Variants in PES1 observed in about 807,000 individuals in gnomAD.
The protein encoded by PES1 is pescadillo homolog.
PES1 carries 31 observed loss-of-function variants against 77.1 expected under a neutral mutation model. The ratio of observed to expected loss-of-function variants is 0.40; its 90% CI spans 0.30 to 0.54. The LOEUF (loss-of-function observed/expected upper bound fraction) is 0.54. Ranked by LOEUF, PES1 falls within the 20% of genes least tolerant of loss-of-function variation. The pLI, the probability that PES1 is intolerant of heterozygous loss-of-function variation, is 0.45. For synonymous variants in PES1, 282 were observed against 303.0 expected, an observed-to-expected ratio of 0.93 and a Z score of 0.72; for missense variants, 658 against 771.7, an observed-to-expected ratio of 0.85 and a Z score of 1.75.
At chr22:30,594,237 T>G (rs1171368392), upstream of PES1, among the ~76,000 whole-genome samples, 1 of 152,206 alleles carries the variant, frequency 6.6e-6, no homozygotes, top group Non-Finnish European at 1.5e-5. Flanking sequence ...AAACAAAAAT[T>G]TGCTGGGCAT....
At position 30,591,806 on chromosome 22, in the gene PES1, T is replaced by A. The variant is rs1180462578; in HGVS notation, c.24+4A>T. 6.4e-7 allele frequency: 1 copy of A among 1,560,782 alleles called. No individual in the cohort carries two copies. The highest frequency in any genetic ancestry group is 1.9e-5 in the Admixed American group (1 of 52,722). ...CGGGAATCCCCACCGTCTTTCCCAA[T>A]CACCTTCTTCTTCTCAAGGCCTCCC... On this transcript the variant is annotated splice_donor_region_variant and intron_variant, in intron 1 of 14. Coordinates refer to ENST00000354694, the MANE Select transcript of PES1 (RefSeq NM_014303.4).
At chr22:30,581,887 G>C (rs1394826208) in intron 6 of PES1, among the ~76,000 whole-genome samples, 1 of 152,136 alleles carries the variant, frequency 6.6e-6, no homozygotes, top group East Asian at 1.9e-4. Flanking sequence ...AGGGTTAGAC[G>C]CATCCTGGAA....
At chr22:30,600,203 A>G (rs77121106) in intron 2 of PES1, among the ~76,000 whole-genome samples, 12,233 of 150,572 alleles carry the variant, frequency 0.081, 559 homozygotes, top group South Asian at 0.12. Flanking sequence ...GTGTGGTGGC[A>G]CAAGCCTATA....
chr22:30,583,648 GCT>G (rs2087020503), intron 6 of PES1, among the ~76,000 whole-genome samples: 1 of 152,248 alleles, frequency 6.6e-6, no homozygotes, highest in Non-Finnish European at 1.5e-5. Context: ...AAAAGGCTGG[GCT>G]CTGTGGCTCA....
upstream of PES1, among the ~76,000 whole-genome samples, chr22:30,594,675 A>G (rs2087230165): frequency 6.6e-6 from 1 of 152,064 alleles, no homozygotes; most frequent in Admixed American, 6.6e-5. Flanking sequence ...CCTTAAAAAA[A>G]AAAAAAAAAC....
At chr22:30,577,863 T>C (rs2086926365) in intron 14 of PES1, among the ~76,000 whole-genome samples, 1 of 152,180 alleles carries the variant, frequency 6.6e-6, no homozygotes. Context: ...GCAGAATCAT[T>C]AAGAGGCGGG....
In PES1 at chr22:30,578,825, G is replaced by T. The variant is rs1011234781; in HGVS notation, c.1683+12C>A. 19 of 1,611,854 alleles carry T rather than the reference G, an allele frequency of 1.2e-5. No individual in the cohort carries two copies. The highest frequency in any genetic ancestry group is 1.5e-5 in the Non-Finnish European group (18 of 1,179,882). On this transcript the variant is annotated intron_variant, in intron 14 of 14. Coordinates refer to ENST00000354694, the MANE Select transcript of PES1 (RefSeq NM_014303.4). ...GCCACACCTGGATCTCAAGTGGGTGGCAAGAACTCACCTCTCGGATTTTTC... is the reference window on the plus strand; with the variant it reads ...GCCACACCTGGATCTCAAGTGGGTGTCAAGAACTCACCTCTCGGATTTTTC...
chr22:30,580,893 T>C (rs2086974296), intron 9 of PES1, 119 bp downstream of exon 9: 3 of 1,169,660 alleles, frequency 2.6e-6, no homozygotes, highest in Non-Finnish European at 2.5e-6. Flanking sequence ...CCCATTCTTC[T>C]GCTCAGTTGC....
At chr22:30,602,559 C>A (rs543754057) in intron 2 of PES1, among the ~76,000 whole-genome samples, 3 of 140,130 alleles carry the variant, frequency 2.1e-5, no homozygotes, top group Non-Finnish European at 4.6e-5. Context: ...TTTTTCTTTT[C>A]TTTTGATAAA....
chr22:30,590,424 TAAC>T (rs1197391906), intron 1 of PES1, among the ~76,000 whole-genome samples: 1 of 152,244 alleles, frequency 6.6e-6, no homozygotes, highest in Non-Finnish European at 1.5e-5. Flanking sequence ...CGTTTACTAA[TAAC>T]ATCATAGTCA....
chr22:30,589,633 C>T (rs1477722497), intron 1 of PES1, among the ~76,000 whole-genome samples: 1 of 152,244 alleles, frequency 6.6e-6, no homozygotes, highest in African/African-American at 2.4e-5. Context: ...TCCGAACGTC[C>T]ATTTCACATA....
At chr22:30,597,878 T>G (rs1452801142) in intron 2 of PES1, among the ~76,000 whole-genome samples, 6 of 78,252 alleles carry the variant, frequency 7.7e-5, no homozygotes, top group Non-Finnish European at 1.7e-4. Flanking sequence ...GCAGTTGAAG[T>G]TTTGTTTTTT....
intron 2 of PES1, among the ~76,000 whole-genome samples, chr22:30,602,757 A>G (rs375477989): frequency 6.6e-6 from 1 of 152,134 alleles, no homozygotes; most frequent in Non-Finnish European, 1.5e-5. Flanking sequence ...TGTGTTTCAT[A>G]GTTAGGTCTA....
chr22:30,602,912 T>C (rs2087378598), intron 2 of PES1, among the ~76,000 whole-genome samples: 1 of 44,190 alleles, frequency 2.3e-5, no homozygotes, highest in Non-Finnish European at 3.9e-5. Context: ...GAAAGCAATT[T>C]GTGTGTGTGT....
intron 2 of PES1, among the ~76,000 whole-genome samples, 179 bp from the exon 3 acceptor site, chr22:30,588,353 G>A (rs2087124492): frequency 6.6e-6 from 1 of 152,128 alleles, no homozygotes; most frequent in Non-Finnish European, 1.5e-5. Flanking sequence ...GCAGACTTGC[G>A]AGTCTCTAGG....
rs778565477 is a variant in PES1 at position 30,579,736 on chromosome 22, T to A, written c.1354+15A>T. On this transcript the variant is annotated intron_variant, in intron 12 of 14. Transcript: ENST00000354694. ...GGCCCAGGGGTCAAGGCCAGCCCAG[T>A]CCCATCCCGCTCACCTGGGTCCTCT... 3 of 1,612,526 alleles carry A rather than the reference T, an allele frequency of 1.9e-6. No homozygotes were observed. Among genetic ancestry groups the A allele is most frequent in the Admixed American group, 3.3e-5 (2 of 59,976 alleles).
intron 4 of PES1, chr22:30,585,408 CG>C (rs1555891330): frequency 6.5e-6 from 3 of 461,846 alleles, no homozygotes; most frequent in Non-Finnish European, 1.4e-5. Context: ...AGAGAAGACA[CG>C]GAACCACAAG....
At chr22:30,579,363 A>T in intron 12 of PES1, 60 bp from the exon 13 acceptor site, 1 of 1,597,676 alleles carries the variant, frequency 6.3e-7, no homozygotes, top group Non-Finnish European at 8.5e-7. Context: ...TGGCAGGGTG[A>T]CAACAGGCCC....
At chr22:30,591,048 A>G (rs553016340) in intron 1 of PES1, among the ~76,000 whole-genome samples, 3 of 152,198 alleles carry the variant, frequency 2.0e-5, no homozygotes, top group South Asian at 2.1e-4. Context: ...CAGTCTTTTC[A>G]TGTCACTGGG....
Sources: allele counts gnomAD v4.1 joint callset (sites outside exome capture counted in the v4.1 genomes callset), GRCh38; gene constraint gnomAD v4.1.1; transcripts MANE v1.5; gene names NCBI Gene and HGNC (gene_info 2026-07-23, HGNC 2026-07-21).